Variants in ARMC9 observed in about 807,000 individuals in gnomAD.
ARMC9 encodes the protein lisH domain-containing protein ARMC9.
In ARMC9, 94 loss-of-function variants were observed where a neutral mutation model predicts 107.0. That is an observed-to-expected ratio of 0.88 (90% CI 0.74 to 1.04). ARMC9 has a LOEUF of 1.04. Ranked by LOEUF, ARMC9 falls within the 50% of genes least tolerant of loss-of-function variation. The pLI, the probability that ARMC9 is intolerant of heterozygous loss-of-function variation, is 0.00. For synonymous variants in ARMC9, 380 were observed against 396.9 expected (o/e 0.96, Z 0.51); for missense variants, 942 against 1,030.1 (o/e 0.91, Z 1.17).
rs1252290892 is a variant in ARMC9 at position 231,276,924 on chromosome 2, A to G, written c.1474+149A>G. ...GAGTAGAAAGCATTTCCAACTAGGT[A>G]TCAAGCTGTTGAATCCCTGAAGGCA... On this transcript the variant is annotated intron_variant, in intron 15 of 24. Coordinates refer to ENST00000611582, the MANE Select transcript of ARMC9 (RefSeq NM_001352754.2). 27 of 1,219,616 alleles carry G rather than the reference A, an allele frequency of 2.2e-5. No homozygotes were observed. In the Admixed American group the frequency reaches 7.4e-4, roughly 33 times the overall value. The allele number at this position is 1,219,616 out of a possible 1,614,324, so 75.5% of individuals were successfully genotyped here.
At chr2:231,230,668 G>GT (rs2035126243) in intron 7 of ARMC9, among the ~76,000 whole-genome samples, 1 of 152,166 alleles carries the variant, frequency 6.6e-6, no homozygotes, top group Non-Finnish European at 1.5e-5. Flanking sequence ...AGATGCTCAA[G>GT]TCCTTTATGT....
intron 20 of ARMC9, among the ~76,000 whole-genome samples, chr2:231,335,521 A>C (rs2044027849): frequency 6.6e-6 from 1 of 152,166 alleles, no homozygotes; most frequent in Non-Finnish European, 1.5e-5. Context: ...TGCTCTGCAG[A>C]GCACAGGCTA....
intron 3 of ARMC9, among the ~76,000 whole-genome samples, chr2:231,213,957 G>A (rs1258322982): frequency 6.6e-6 from 1 of 152,234 alleles, no homozygotes; most frequent in Non-Finnish European, 1.5e-5. Flanking sequence ...CAACTGCATT[G>A]TTTTGGACTC....
In ARMC9 at chr2:231,360,337, GGTT is replaced by G. The variant is rs1406194286; in HGVS notation, c.2132-412_2132-410del. On this transcript the variant is annotated intron_variant, in intron 22 of 24. Transcript: ENST00000611582. The surrounding 1 kb of genome is among the most constrained non-coding windows in gnomAD (Gnocchi z 4.7). ...TCGGTGAGGAGCACCCTACCTCTCA[GGTT>G]GTTGGTTTTAGCAAATAAAACTACA... is the stretch of plus-strand genomic sequence containing the variant. 6.6e-6 allele frequency among the ~76,000 whole-genome samples: 1 copy of G among 150,984 alleles called. No homozygotes were observed. Among genetic ancestry groups the G allele is most frequent in the East Asian group, 1.9e-4 (1 of 5,196 alleles).
At chr2:231,207,656 A>G (rs1007370152) in intron 2 of ARMC9, among the ~76,000 whole-genome samples, 19 of 151,992 alleles carry the variant, frequency 1.3e-4, no homozygotes, top group African/African-American at 4.4e-4. Flanking sequence ...TTGTATTTTC[A>G]GTAGAGACGG....
At chr2:231,276,512 C>A (rs543173142) in intron 14 of ARMC9, 124 bp from the exon 15 acceptor site, 4 of 1,302,698 alleles carry the variant, frequency 3.1e-6, no homozygotes, top group South Asian at 2.7e-5. Context: ...TCAGGTGATC[C>A]GTCCGCCTTG....
intron 7 of ARMC9, among the ~76,000 whole-genome samples, chr2:231,234,805 C>T (rs914876220): frequency 6.6e-6 from 1 of 152,194 alleles, no homozygotes; most frequent in Non-Finnish European, 1.5e-5. Context: ...GGGATTTTAC[C>T]ATGTTGCCCA....
intron 5 of ARMC9, among the ~76,000 whole-genome samples, chr2:231,217,759 C>T (rs563191918): frequency 5.3e-5 from 8 of 152,188 alleles, no homozygotes; most frequent in Middle Eastern, 3.4e-3. Flanking sequence ...GGCGCGATCT[C>T]GGCTCACTGC....
intron 23 of ARMC9, among the ~76,000 whole-genome samples, chr2:231,365,149 G>A (rs1418290817): frequency 6.6e-6 from 1 of 152,216 alleles, no homozygotes; most frequent in Admixed American, 6.5e-5. Context: ...TTAGGGCAGA[G>A]CAGAGAAACC....
intron 19 of ARMC9, among the ~76,000 whole-genome samples, chr2:231,304,782 G>A (rs1047810268): frequency 6.6e-6 from 1 of 152,156 alleles, no homozygotes; most frequent in Non-Finnish European, 1.5e-5. Context: ...TAGGTATTGG[G>A]AAGCTATTGA....
At chr2:231,267,753 C>T (rs760856690) in intron 12 of ARMC9, among the ~76,000 whole-genome samples, 4 of 152,178 alleles carry the variant, frequency 2.6e-5, no homozygotes, top group African/African-American at 7.2e-5. Context: ...AGTCTGGGCT[C>T]GTTTCACCAG....
chr2:231,316,427 G>A (rs540894105), intron 19 of ARMC9, among the ~76,000 whole-genome samples: 50 of 152,074 alleles, frequency 3.3e-4, no homozygotes, highest in Admixed American at 7.9e-4. Context: ...TTGAGAGGCC[G>A]AGGCAGGTGG....
chr2:231,254,914 G>A (rs1439641384), intron 9 of ARMC9, among the ~76,000 whole-genome samples: 1 of 151,972 alleles, frequency 6.6e-6, no homozygotes, highest in Non-Finnish European at 1.5e-5. Flanking sequence ...CATGTCACCT[G>A]TAAATCATTC....
Position 231,331,458 on chromosome 2 carries a change from A to G in ARMC9, c.1774-335A>G, listed in dbSNP as rs376099630. On this transcript the variant is annotated intron_variant, in intron 19 of 24. Coordinates refer to ENST00000611582, the MANE Select transcript of ARMC9 (RefSeq NM_001352754.2). ...CTGTGTATGACTGACTGGCTGTTCTATATGGTGCCTTGATCTCACAGAGAG... is the reference window on the plus strand; with the variant it reads ...CTGTGTATGACTGACTGGCTGTTCTGTATGGTGCCTTGATCTCACAGAGAG... Among the ~76,000 whole-genome samples, 12 of 68,378 alleles carry G rather than the reference A, an allele frequency of 1.8e-4. No homozygotes were observed. The East Asian group carries it at 3.7e-3, about 21-fold the overall frequency. 44.9% of individuals were successfully genotyped at this position (68,378 alleles called of 152,430 possible). A position where few individuals can be genotyped will look rare whatever the true frequency, so the allele number is the denominator to read the frequency against.
At position 231,256,722 on chromosome 2, in the gene ARMC9, A is replaced by G. The variant is rs1026771230; in HGVS notation, c.914+102A>G. Reference sequence around the variant, plus strand: ...AACACTTAGCAGCCTAGGTTAGAGGAATGCCTTTGAGCTAGAGCTACATGT... The same window carrying G: ...AACACTTAGCAGCCTAGGTTAGAGGGATGCCTTTGAGCTAGAGCTACATGT... On this transcript the variant is annotated intron_variant, in intron 10 of 24. Coordinates refer to ENST00000611582, the MANE Select transcript of ARMC9 (RefSeq NM_001352754.2). The G allele has an allele frequency of 1.3e-5, 16 of 1,260,108 alleles. No individual in the cohort carries two copies. In the African/African-American group the frequency reaches 2.1e-4, roughly 16 times the overall value. 78.1% of individuals were successfully genotyped at this position (1,260,108 alleles called of 1,614,324 possible). A position where few individuals can be genotyped will look rare whatever the true frequency, so the allele number is the denominator to read the frequency against.
chr2:231,344,657 C>G (rs1035162912), intron 20 of ARMC9, among the ~76,000 whole-genome samples: 1 of 151,586 alleles, frequency 6.6e-6, no homozygotes, highest in Non-Finnish European at 1.5e-5. Flanking sequence ...TCTTTTTTTC[C>G]CTTCTCATTT....
chr2:231,365,637 C>T (rs1338703472), intron 23 of ARMC9, among the ~76,000 whole-genome samples: 1 of 152,134 alleles, frequency 6.6e-6, no homozygotes, highest in Non-Finnish European at 1.5e-5. Context: ...GAACAGAATA[C>T]AGCAGATAAA....
chr2:231,326,903 G>A (rs983200786), intron 19 of ARMC9, among the ~76,000 whole-genome samples: 9 of 152,188 alleles, frequency 5.9e-5, no homozygotes, highest in Admixed American at 2.6e-4. Context: ...ATTGTTGGGT[G>A]GGCCAGGAGT....
rs530202718 is a variant in ARMC9 at position 231,371,546 on chromosome 2, G to A, written c.*11G>A. ...TCTCACAGGAAGTAAGGATGTCCCC[G>A]GGTGTCCCCATCACGTTGCCGGAGG... On this transcript the variant is annotated 3_prime_UTR_variant, in exon 25 of 25. Transcript: ENST00000611582. The A allele has an allele frequency of 2.2e-5, 27 of 1,235,910 alleles. No individual in the cohort carries two copies. In the Admixed American group the frequency reaches 5.0e-4, roughly 23 times the overall value. The allele number at this position is 1,235,910 out of a possible 1,614,324, so 76.6% of individuals were successfully genotyped here.
Sources: gnomAD v4.1 joint callset for allele counts (sites outside exome capture counted in the v4.1 genomes callset) on GRCh38, gnomAD v4.1.1 for gene constraint, Gnocchi (gnomAD v3.1) non-coding constraint, MANE v1.5 for transcripts, NCBI Gene and HGNC (gene_info 2026-07-23, HGNC 2026-07-21) for gene names.